DCT: variants seen among roughly 807,000 people sequenced by gnomAD.
DCT encodes L-dopachrome tautomerase.
DCT carries 47 observed loss-of-function variants against 53.0 expected under a neutral mutation model. The ratio of observed to expected loss-of-function variants is 0.89; its 90% CI spans 0.70 to 1.13. The LOEUF (loss-of-function observed/expected upper bound fraction) is 1.13, where lower values mean the gene tolerates loss of function less well. Ranked by LOEUF, DCT falls within the 50% of genes most tolerant of loss-of-function variation. The probability of loss-of-function intolerance (pLI) is 0.00; values close to 1 mark genes in which losing one functional copy is unlikely to be tolerated. For missense variants in DCT, 669 were observed against 637.4 expected (o/e 1.05, Z -0.53); for synonymous variants, 244 against 237.0 (o/e 1.03, Z -0.27).
rs1882506150 is a variant in DCT, at chr13:94,443,599, C to CT, written c.1217_1218insA (p.Trp406Ter). Reference protein sequence around the residue: ...HSFTDAIFDEWMKRFNPPADA... With the variant: ...HSFTDAIFDE ...CTGCAGGAGGATTAAATCTTTTCAT[C>CT]CACTCATCAAAGATGGCATCAGTAA... is the stretch of plus-strand genomic sequence containing the variant. The change falls in exon 7 of 8, where the codon TGG becomes TGAG. Residue 406 changes from tryptophan (W) to a stop codon, truncating the protein, a stop_gained and frameshift_variant. Coordinates refer to ENST00000377028, the MANE Select transcript of DCT (RefSeq NM_001922.5). LOFTEE classifies it high-confidence loss of function. The CT allele has an allele frequency of 1.2e-6, 2 of 1,613,882 alleles. No individual in the cohort carries two copies. Among genetic ancestry groups the CT allele is most frequent in the Non-Finnish European group, 1.7e-6 (2 of 1,179,968 alleles).
chr13:94,462,703 C>T (rs760190515), intron 4 of DCT, among the ~76,000 whole-genome samples: 3 of 152,070 alleles, frequency 2.0e-5, no homozygotes, highest in Non-Finnish European at 4.4e-5. Context: ...AATGTAGATG[C>T]ACAAAATACG....
At chr13:94,525,660 C>A in the DCT span, among the ~76,000 whole-genome samples, 1 of 152,124 alleles carries the variant, frequency 6.6e-6, no homozygotes, top group Non-Finnish European at 1.5e-5. Flanking sequence ...GAGGCCTCTG[C>A]ACAGCTAAGA....
rs761439083 is a variant in DCT at position 94,437,483 on chromosome 13, G to A, written c.*2415C>T. ...TAATGCACAAAGGAAAGATGTTATTGCATTTTATCCCATTTCTGAATGTTA... is the reference window on the plus strand; with the variant it reads ...TAATGCACAAAGGAAAGATGTTATTACATTTTATCCCATTTCTGAATGTTA... On this transcript the variant is annotated 3_prime_UTR_variant, in exon 8 of 8. Coordinates refer to ENST00000377028, the MANE Select transcript of DCT (RefSeq NM_001922.5). 9 of 152,106 alleles carry A rather than the reference G, an allele frequency of 5.9e-5. No homozygotes were observed. Among genetic ancestry groups the A allele is most frequent in the Non-Finnish European group, 1.0e-4 (7 of 67,984 alleles). The allele number at this position is 152,106 out of a possible 1,614,324, so 9.4% of individuals were successfully genotyped here. A position where few individuals can be genotyped will look rare whatever the true frequency, so the allele number is the denominator to read the frequency against.
At chr13:94,466,236 T>A (rs1021318702) in intron 3 of DCT, among the ~76,000 whole-genome samples, 3 of 151,380 alleles carry the variant, frequency 2.0e-5, no homozygotes, top group African/African-American at 7.3e-5. Flanking sequence ...TACAAGGGAC[T>A]GGGAGAAATG....
At chr13:94,518,151 AAGGAATGAAGGAAGG>A in the DCT span, among the ~76,000 whole-genome samples, 1,458 of 141,778 alleles carry the variant, frequency 0.01, 39 homozygotes, top group African/African-American at 0.037. Flanking sequence ...GGAAGGAAGG[AAGGAATGAAGGAAGG>A]AAGGAAGAAA....
the DCT span, among the ~76,000 whole-genome samples, chr13:94,517,707 T>C: frequency 6.6e-6 from 1 of 152,048 alleles, no homozygotes; most frequent in South Asian, 2.1e-4. Flanking sequence ...ATATGAGATA[T>C]ACAGAGAGAG....
chr13:94,454,240 T>C lies in DCT; in HGVS notation c.1179+5851A>G, dbSNP rs192232101. Among the ~76,000 whole-genome samples the C allele has an allele frequency of 6.2e-4, 95 of 152,292 alleles. 1 individual carries two copies. The East Asian group carries it at 0.016, about 26-fold the overall frequency. On this transcript the variant is annotated intron_variant, in intron 6 of 7. Coordinates refer to ENST00000377028, the MANE Select transcript of DCT (RefSeq NM_001922.5). Reference sequence around the variant, plus strand: ...GGCACGAGCTGTTTAGTATTAATTATGGAACCTATGGACCCCCCAGCCACT... The same window carrying C: ...GGCACGAGCTGTTTAGTATTAATTACGGAACCTATGGACCCCCCAGCCACT...
At chr13:94,497,893 T>TGTGC in the DCT span, among the ~76,000 whole-genome samples, 1 of 152,066 alleles carries the variant, frequency 6.6e-6, no homozygotes, top group South Asian at 2.1e-4. Context: ...TGTGTGTGTG[T>TGTGC]ACACACATGC....
intron 5 of DCT, among the ~76,000 whole-genome samples, chr13:94,460,435 A>T (rs1291372112): frequency 2.0e-5 from 3 of 152,156 alleles, no homozygotes; most frequent in Non-Finnish European, 4.4e-5. Context: ...CTATTTCTGA[A>T]TTATATCTCT....
At chr13:94,492,765 C>A in the DCT span, among the ~76,000 whole-genome samples, 6 of 152,186 alleles carry the variant, frequency 3.9e-5, no homozygotes, top group African/African-American at 1.4e-4. Context: ...CACTCATGTT[C>A]TCACCATCAA....
rs3215804 is a variant in DCT, at chr13:94,439,625, TGG to T, written c.*271_*272del. 1.6e-3 allele frequency: 330 copies of T among 209,812 alleles called. 1 individual carries two copies. The highest frequency in any genetic ancestry group is 4.9e-3 in the African/African-American group (200 of 41,178). 13.0% of individuals were successfully genotyped at this position (209,812 alleles called of 1,614,324 possible). A position where few individuals can be genotyped will look rare whatever the true frequency, so the allele number is the denominator to read the frequency against. ...GAAAAGGAGGAGGCTTAATCAATAT[TGG>T]GGGGGGGGTTATTATTAGATATCAC... On this transcript the variant is annotated 3_prime_UTR_variant, in exon 8 of 8. Transcript: ENST00000377028.
intron 6 of DCT, among the ~76,000 whole-genome samples, chr13:94,456,774 G>T (rs889202715): frequency 6.6e-6 from 1 of 152,146 alleles, no homozygotes; most frequent in African/African-American, 2.4e-5. Context: ...GATTGCCCTG[G>T]TCTGTATCAA....
the DCT span, among the ~76,000 whole-genome samples, chr13:94,537,130 T>C: frequency 2.0e-5 from 3 of 152,248 alleles, no homozygotes; most frequent in African/African-American, 2.4e-5. Context: ...GTAAGAATAA[T>C]TGAATTGGTA....
At chr13:94,468,409 T>A (rs9524503) in intron 2 of DCT, 32,864 of 225,646 alleles carry the variant, frequency 0.15, 2,653 homozygotes, top group South Asian at 0.22. Context: ...CATGGCCAGA[T>A]TCGCAAATAT....
the DCT span, among the ~76,000 whole-genome samples, chr13:94,501,193 C>T: frequency 1.0e-3 from 155 of 152,144 alleles, no homozygotes; most frequent in African/African-American, 3.0e-3. Context: ...GGCGTGAACC[C>T]GGGAGGCGGA....
At chr13:94,509,076 C>A in the DCT span, among the ~76,000 whole-genome samples, 2 of 152,166 alleles carry the variant, frequency 1.3e-5, no homozygotes, top group South Asian at 4.1e-4. Flanking sequence ...GGTGTCTTAG[C>A]TCTGGGCTAC....
chr13:94,481,402 G>A (rs1399927055), upstream of DCT, among the ~76,000 whole-genome samples: 1 of 152,124 alleles, frequency 6.6e-6, no homozygotes, highest in African/African-American at 2.4e-5. Flanking sequence ...CCTTTATTTT[G>A]GAGCTCATTC....
rs143672390 is a variant in DCT, at chr13:94,465,798, C to A, written c.698G>T (p.Arg233Leu). ...HLLCLERDLQ[R>L]LIGNESFALP... Reference sequence around the variant, plus strand: ...AGCAAAAGACTCATTGCCAATGAGTCGCTAAAAGCAAAGGGCAGGCCTAGT... The same window carrying A: ...AGCAAAAGACTCATTGCCAATGAGTAGCTAAAAGCAAAGGGCAGGCCTAGT... Residue 233 changes from arginine (R) to leucine (L), a missense_variant and splice_region_variant, in exon 4 of 8, where the codon CGA (arginine) becomes CTA (leucine). Physicochemically the swap from Arg to Leu is moderately radical, Grantham distance 102. Coordinates refer to ENST00000377028, the MANE Select transcript of DCT (RefSeq NM_001922.5). 1.4e-4 allele frequency: 220 copies of A among 1,608,770 alleles called. No homozygotes were observed. Among genetic ancestry groups the A allele is most frequent in the Non-Finnish European group, 1.8e-4 (211 of 1,177,474 alleles).
chr13:94,516,000 TC>T, the DCT span, among the ~76,000 whole-genome samples: 3 of 150,250 alleles, frequency 2.0e-5, no homozygotes, highest in Non-Finnish European at 4.4e-5. Context: ...TCCACAGGAG[TC>T]CAAATAAGAC....
Sources: gnomAD v4.1 joint callset for allele counts (sites outside exome capture counted in the v4.1 genomes callset) on GRCh38, gnomAD v4.1.1 for gene constraint, MANE v1.5 for transcripts, NCBI Gene and HGNC (gene_info 2026-07-23, HGNC 2026-07-21) for gene names.